PSPC1: variants seen among roughly 807,000 people sequenced by gnomAD.
The protein encoded by PSPC1 is paraspeckle protein 1.
Under a neutral mutation model 51.6 loss-of-function variants are expected in PSPC1, and 14 were observed. The observed-to-expected ratio is 0.27, with a 90% CI of 0.18 to 0.42. The LOEUF (loss-of-function observed/expected upper bound fraction) is 0.42, where lower values mean the gene tolerates loss of function less well. PSPC1 is among the 10% of genes least tolerant of loss of function. The probability of loss-of-function intolerance (pLI) is 1.00; values close to 1 mark genes in which losing one functional copy is unlikely to be tolerated. For missense variants in PSPC1, 406 were observed against 701.1 expected, an observed-to-expected ratio of 0.58 and a Z score of 4.75; for synonymous variants, 193 against 231.9, an observed-to-expected ratio of 0.83 and a Z score of 1.53.
intron 5 of PSPC1, among the ~76,000 whole-genome samples, chr13:19,740,974 A>C (rs1269030454): frequency 6.6e-6 from 1 of 151,808 alleles, no homozygotes; most frequent in Non-Finnish European, 1.5e-5. Context: ...TCCTGGATTC[A>C]AGCGATTCTC....
chr13:19,706,317 T>C (rs1880654081), intron 7 of PSPC1, among the ~76,000 whole-genome samples: 1 of 151,874 alleles, frequency 6.6e-6, no homozygotes, highest in South Asian at 2.1e-4. Context: ...TCATTATAAC[T>C]AGCCTCTCAT....
chr13:19,737,838 G>T (rs1023503440), intron 5 of PSPC1, among the ~76,000 whole-genome samples: 1 of 152,044 alleles, frequency 6.6e-6, no homozygotes, highest in Non-Finnish European at 1.5e-5. Context: ...TAATATCAGC[G>T]CTTTCGGAGG....
intron 1 of PSPC1, among the ~76,000 whole-genome samples, chr13:19,773,819 A>G (rs1470334899): frequency 6.6e-6 from 1 of 151,782 alleles, no homozygotes; most frequent in Non-Finnish European, 1.5e-5. Flanking sequence ...AGCATGGCTA[A>G]TTTTTTAATT....
At chr13:19,739,467 G>C (rs1221885971) in intron 5 of PSPC1, among the ~76,000 whole-genome samples, 1 of 152,184 alleles carries the variant, frequency 6.6e-6, no homozygotes, top group African/African-American at 2.4e-5. Context: ...AAAAGATCTG[G>C]CCGGGCGTGG....
At chr13:19,759,230 TA>T in intron 3 of PSPC1, 92 bp downstream of exon 3, 1 of 958,558 alleles carries the variant, frequency 1.0e-6, no homozygotes, top group South Asian at 1.4e-5. Context: ...ATTATATAAA[TA>T]AACAGAACAC....
chr13:19,698,173 G>GT (rs1181492840), downstream of PSPC1, among the ~76,000 whole-genome samples: 1 of 151,858 alleles, frequency 6.6e-6, no homozygotes, highest in Non-Finnish European at 1.5e-5. Flanking sequence ...GGCTACTTAA[G>GT]TTATGACACT....
chr13:19,781,952 C>CA (rs1439367442), intron 1 of PSPC1, among the ~76,000 whole-genome samples: 2 of 152,178 alleles, frequency 1.3e-5, no homozygotes, highest in Admixed American at 6.5e-5. Flanking sequence ...TCCAAATGTA[C>CA]ATCCAATTCG....
At chr13:19,772,737 T>C (rs1888733868) in intron 1 of PSPC1, among the ~76,000 whole-genome samples, 194 bp from the exon 2 acceptor site, 1 of 152,186 alleles carries the variant, frequency 6.6e-6, no homozygotes, top group African/African-American at 2.4e-5. Context: ...AATTAAAAGG[T>C]CCCAACTCCA....
intron 5 of PSPC1, among the ~76,000 whole-genome samples, chr13:19,736,577 G>C (rs984147926): frequency 6.6e-6 from 1 of 152,086 alleles, no homozygotes; most frequent in African/African-American, 2.4e-5. Flanking sequence ...TAGCTACTCC[G>C]GAGGCTGAGG....
intron 3 of PSPC1, among the ~76,000 whole-genome samples, chr13:19,752,955 C>A (rs894069428): frequency 2.6e-5 from 4 of 151,888 alleles, no homozygotes; most frequent in African/African-American, 9.7e-5. Flanking sequence ...TAGGGTCTTG[C>A]TCAGTTTCAC....
At chr13:19,740,383 T>C (rs569724473) in intron 5 of PSPC1, among the ~76,000 whole-genome samples, 2 of 151,554 alleles carry the variant, frequency 1.3e-5, no homozygotes, top group Admixed American at 1.3e-4. Context: ...TAAAATCACA[T>C]AGAAATATTT....
At chr13:19,728,485 C>CACACACACAG (rs1883643925) in intron 6 of PSPC1, among the ~76,000 whole-genome samples, 1 of 132,832 alleles carries the variant, frequency 7.5e-6, no homozygotes, top group Non-Finnish European at 1.7e-5. Context: ...CACACACACA[C>CACACACACAG]AGCATTAAAA....
chr13:19,733,403 G>A (rs1011981938), intron 5 of PSPC1, among the ~76,000 whole-genome samples: 2 of 152,146 alleles, frequency 1.3e-5, no homozygotes, highest in South Asian at 4.1e-4. Context: ...ACTTTGGGAG[G>A]TGGAGGCAGA....
In PSPC1 at chr13:19,756,945, C is replaced by T. The variant is rs980174881; in HGVS notation, c.770+2378G>A. ...GAAATCGAGACCATCCTGGCTAACA[C>T]GGTGAAACCCCGTCTCTACTAAAAA... On this transcript the variant is annotated intron_variant, in intron 3 of 8. Coordinates refer to ENST00000338910, the MANE Select transcript of PSPC1 (RefSeq NM_001354909.2). 5.3e-5 allele frequency among the ~76,000 whole-genome samples: 8 copies of T among 151,048 alleles called. No homozygotes were observed. The East Asian group carries it at 1.4e-3, about 26-fold the overall frequency.
chr13:19,780,948 G>A (rs913867613), intron 1 of PSPC1, among the ~76,000 whole-genome samples: 1 of 152,000 alleles, frequency 6.6e-6, no homozygotes, highest in Admixed American at 6.6e-5. Flanking sequence ...TTTGAGCCCA[G>A]GAATTCGAAA....
At chr13:19,756,704 T>G (rs1887111683) in intron 3 of PSPC1, among the ~76,000 whole-genome samples, 1 of 151,690 alleles carries the variant, frequency 6.6e-6, no homozygotes, top group African/African-American at 2.4e-5. Context: ...TTTCACCATG[T>G]TAGGCTGGTC....
chr13:19,711,165 T>C (rs893813501), intron 6 of PSPC1, among the ~76,000 whole-genome samples: 4 of 152,200 alleles, frequency 2.6e-5, no homozygotes, highest in African/African-American at 9.6e-5. Context: ...TTAACTTTCC[T>C]AAAAATTTCT....
chr13:19,719,014 T>A (rs1456939728), intron 6 of PSPC1, among the ~76,000 whole-genome samples: 3 of 151,708 alleles, frequency 2.0e-5, no homozygotes, highest in African/African-American at 7.3e-5. Context: ...GAGGTGAAAA[T>A]ACTCTGTATG....
chr13:19,685,612 T>TC (rs1169394572), intron 6 of PSPC1, among the ~76,000 whole-genome samples: 1 of 152,166 alleles, frequency 6.6e-6, no homozygotes, highest in African/African-American at 2.4e-5. Flanking sequence ...CTCCAGATGT[T>TC]CATATGCTAG....
Sources: allele counts gnomAD v4.1 joint callset (sites outside exome capture counted in the v4.1 genomes callset), GRCh38; gene constraint gnomAD v4.1.1; transcripts MANE v1.5; gene names NCBI Gene and HGNC (gene_info 2026-07-23, HGNC 2026-07-21).